Variants in FBXO21 observed in about 807,000 individuals in gnomAD.
FBXO21 encodes the protein F-box only protein 21.
FBXO21 carries 32 observed loss-of-function variants against 76.6 expected under a neutral mutation model. The observed-to-expected ratio is 0.42, with a 90% CI of 0.32 to 0.56. The LOEUF (loss-of-function observed/expected upper bound fraction) is 0.56. Among genes scored for constraint, FBXO21 ranks in the 20% least tolerant of loss-of-function variants. The pLI is 0.16. For synonymous variants in FBXO21, 328 were observed against 311.5 expected (o/e 1.05, Z -0.56); for missense variants, 586 against 797.3 (o/e 0.73, Z 3.19).
intron 9 of FBXO21, among the ~76,000 whole-genome samples, chr12:117,160,802 G>T (rs968038368): frequency 9.2e-5 from 14 of 152,218 alleles, no homozygotes; most frequent in Middle Eastern, 3.4e-3. Context: ...GCTACTTTTT[G>T]TATTTTATTT....
chr12:117,146,354 A>C, intron 11 of FBXO21, 77 bp from the exon 12 acceptor site: 1 of 1,289,544 alleles, frequency 7.8e-7, no homozygotes, highest in Non-Finnish European at 1.1e-6. Context: ...AGAACCTCCC[A>C]TCACCCCTTC....
intron 6 of FBXO21, 132 bp downstream of exon 6, chr12:117,174,073 G>A: frequency 2.8e-6 from 2 of 716,954 alleles, no homozygotes; most frequent in Non-Finnish European, 4.7e-6. Context: ...GGAGTTTGAG[G>A]TTGCGGTAAG....
At chr12:117,158,906 T>C (rs1489591462) in intron 9 of FBXO21, among the ~76,000 whole-genome samples, 1 of 152,236 alleles carries the variant, frequency 6.6e-6, no homozygotes, top group East Asian at 1.9e-4. Context: ...CCATTACGTT[T>C]ACAGCCCTTA....
At chr12:117,159,233 C>G (rs560583903) in intron 9 of FBXO21, among the ~76,000 whole-genome samples, 19 of 151,890 alleles carry the variant, frequency 1.3e-4, no homozygotes, top group Non-Finnish European at 2.5e-4. Flanking sequence ...CCAAGTCCAT[C>G]AGGTTTTTTG....
Position 117,157,898 on chromosome 12 carries a change from T to C in FBXO21, c.1492A>G (p.Ile498Val), listed in dbSNP as rs568676451. 9 of 1,611,086 alleles carry C rather than the reference T, an allele frequency of 5.6e-6. No individual in the cohort carries two copies. The East Asian group carries it at 1.3e-4, about 24-fold the overall frequency. Residue 498 changes from isoleucine to valine, a missense_variant, in exon 10 of 12, where the codon ATC (isoleucine) becomes GTC (valine). Coordinates refer to ENST00000622495, the MANE Select transcript of FBXO21 (RefSeq NM_015002.3). ...CTCTTATGCTTCATAATGAGCCCGA[T>C]GGAGTAGCAGACATCTCTGTGCTTC... is the stretch of plus-strand genomic sequence containing the variant. Reference protein sequence around the residue: ...DEKHRDVCYSIGLIMKHKRYG... With the variant: ...DEKHRDVCYSVGLIMKHKRYG...
chr12:117,179,692 T>C (rs1956209626), intron 3 of FBXO21, among the ~76,000 whole-genome samples: 2 of 152,342 alleles, frequency 1.3e-5, no homozygotes, highest in Admixed American at 1.3e-4. Context: ...TGCCTGGGTG[T>C]TTCTTTTGTG....
chr12:117,166,225 G>A (rs1197000150), intron 8 of FBXO21, among the ~76,000 whole-genome samples: 5 of 151,630 alleles, frequency 3.3e-5, no homozygotes, highest in South Asian at 2.1e-4. Flanking sequence ...CTGAGTAGGC[G>A]GAGCACAGAG....
At chr12:117,153,573 A>T (rs1176865161) in intron 11 of FBXO21, among the ~76,000 whole-genome samples, 1 of 152,174 alleles carries the variant, frequency 6.6e-6, no homozygotes, top group Non-Finnish European at 1.5e-5. Flanking sequence ...CCCAAGGGGG[A>T]AGGAGATGAA....
intron 9 of FBXO21, among the ~76,000 whole-genome samples, chr12:117,162,810 G>A (rs973466236): frequency 1.1e-4 from 17 of 152,140 alleles, no homozygotes; most frequent in African/African-American, 3.6e-4. Flanking sequence ...ATAGAAATCC[G>A]TGCTAGGCTG....
At chr12:117,173,503 C>G (rs1298962525) in intron 6 of FBXO21, among the ~76,000 whole-genome samples, 1 of 152,164 alleles carries the variant, frequency 6.6e-6, no homozygotes, top group Non-Finnish European at 1.5e-5. Context: ...GAAAATGGAA[C>G]TAGGCAGAAA....
At chr12:117,167,195 T>C (rs774193011) in intron 7 of FBXO21, 118 bp from the exon 8 acceptor site, 17 of 764,594 alleles carry the variant, frequency 2.2e-5, no homozygotes, top group African/African-American at 3.5e-5. Context: ...ACTTACAATA[T>C]GAAGGTCTTG....
chr12:117,158,009 C>G lies in FBXO21; in HGVS notation c.1381G>C (p.Val461Leu). The G allele has an allele frequency of 6.2e-7, 1 of 1,614,264 alleles. No individual in the cohort carries two copies. The highest frequency in any genetic ancestry group is 8.5e-7 in the Non-Finnish European group (1 of 1,180,046). The change falls in exon 10 of 12, where the codon GTG becomes CTG. Residue 461 changes from valine to leucine, a missense_variant. Coordinates refer to ENST00000622495, the MANE Select transcript of FBXO21 (RefSeq NM_015002.3). ...QTLDPGQHGA[V>L]GYLVQHTLEH... ...AGAGTGTGCTGCACCAGGTAGCCCA[C>G]CGCCCCGTGCTGCCCCGGGTCTAGG...
At chr12:117,151,077 G>T (rs1027312445) in intron 11 of FBXO21, among the ~76,000 whole-genome samples, 1 of 151,694 alleles carries the variant, frequency 6.6e-6, no homozygotes, top group Non-Finnish European at 1.5e-5. Flanking sequence ...GGGAACCAAC[G>T]TTTGTCGAGG....
chr12:117,181,236 A>G (rs1286666475), intron 3 of FBXO21, among the ~76,000 whole-genome samples: 1 of 152,134 alleles, frequency 6.6e-6, no homozygotes, highest in Non-Finnish European at 1.5e-5. Flanking sequence ...TAAGTTGTTA[A>G]GTTTCTGTGC....
At chr12:117,158,910 G>C (rs1027503661) in intron 9 of FBXO21, among the ~76,000 whole-genome samples, 32 of 152,198 alleles carry the variant, frequency 2.1e-4, no homozygotes, top group African/African-American at 7.5e-4. Flanking sequence ...TACGTTTACA[G>C]CCCTTAGCAT....
chr12:117,174,116 A>G, intron 6 of FBXO21, 89 bp downstream of exon 6: 1 of 1,100,064 alleles, frequency 9.1e-7, no homozygotes, highest in South Asian at 1.4e-5. Flanking sequence ...CAGCCTGAGC[A>G]ACAGAGCGAG....
chr12:117,154,752 C>T (rs1433632755), intron 11 of FBXO21, among the ~76,000 whole-genome samples: 1 of 152,220 alleles, frequency 6.6e-6, no homozygotes, highest in Non-Finnish European at 1.5e-5. Flanking sequence ...TGAGACACCT[C>T]ACCTGGCAAT....
intron 2 of FBXO21, among the ~76,000 whole-genome samples, chr12:117,188,193 A>G (rs1262599785): frequency 1.3e-5 from 2 of 152,260 alleles, no homozygotes; most frequent in East Asian, 3.8e-4. Flanking sequence ...TGTTGAACTC[A>G]AAACATTAGT....
At chr12:117,158,920 T>C (rs1286271566) in intron 9 of FBXO21, among the ~76,000 whole-genome samples, 2 of 152,216 alleles carry the variant, frequency 1.3e-5, no homozygotes, top group Middle Eastern at 3.2e-3. Flanking sequence ...GCCCTTAGCA[T>C]AGAATTTCTG....
Sources: gnomAD v4.1 joint callset for allele counts (sites outside exome capture counted in the v4.1 genomes callset) on GRCh38, gnomAD v4.1.1 for gene constraint, MANE v1.5 for transcripts, NCBI Gene and HGNC (gene_info 2026-07-23, HGNC 2026-07-21) for gene names.